Variants in DDX19B observed in about 807,000 individuals in gnomAD.
DDX19B encodes the protein DEAD-box helicase 19B, also known as ATP-dependent RNA helicase DDX19B.
A neutral mutation model predicts 58.1 loss-of-function variants in DDX19B; 27 were observed. The observed-to-expected ratio is 0.46, with a 90% confidence interval of 0.34 to 0.64. DDX19B has a LOEUF of 0.64. DDX19B is among the 30% of genes least tolerant of loss of function. The pLI is 0.01. For missense variants in DDX19B, 399 were observed against 596.5 expected (o/e 0.67, Z 3.45); for synonymous variants, 187 against 214.4 (o/e 0.87, Z 1.12).
At chr16:70,306,227 C>T (rs1392182182) in intron 1 of DDX19B, among the ~76,000 whole-genome samples, 1 of 152,162 alleles carries the variant, frequency 6.6e-6, no homozygotes, top group African/African-American at 2.4e-5. Context: ...ACATGGCTCA[C>T]TGCACCCTTG....
chr16:70,314,876 A>G lies in DDX19B; in HGVS notation c.107-26A>G, dbSNP rs186793023. 59 of 1,606,938 alleles carry G rather than the reference A, an allele frequency of 3.7e-5. No individual in the cohort carries two copies. The Admixed American group carries it at 9.7e-4, about 26-fold the overall frequency. On this transcript the variant is annotated intron_variant, in intron 2 of 11. Transcript: ENST00000288071. ...TGTTGGGTATGGGATGCGATTTTGAATGATGGCCACTTTGTGTCTATAAAG... is the reference window on the plus strand; with the variant it reads ...TGTTGGGTATGGGATGCGATTTTGAGTGATGGCCACTTTGTGTCTATAAAG...
At chr16:70,313,045 G>C (rs1278304984) in intron 2 of DDX19B, among the ~76,000 whole-genome samples, 1 of 151,894 alleles carries the variant, frequency 6.6e-6, no homozygotes, top group African/African-American at 2.4e-5. Context: ...TTGAGACAGA[G>C]TCTCGCTCTG....
At chr16:70,325,205 G>C (rs1319518210) in intron 6 of DDX19B, among the ~76,000 whole-genome samples, 5 of 152,136 alleles carry the variant, frequency 3.3e-5, no homozygotes, top group African/African-American at 1.2e-4. Flanking sequence ...CTTCTTACAG[G>C]CTTGGCTCCT....
chr16:70,294,914 C>A, upstream of DDX19B: 2 of 1,523,142 alleles, frequency 1.3e-6, no homozygotes, highest in South Asian at 1.2e-5. Context: ...TGCCTGTGGG[C>A]GACGTGAGTA....
chr16:70,317,071 G>A (rs1280276573), intron 4 of DDX19B, among the ~76,000 whole-genome samples: 1 of 152,034 alleles, frequency 6.6e-6, no homozygotes. Flanking sequence ...AGCAGGGCAT[G>A]TTGGCGGGTG....
chr16:70,331,987 G>A, intron 10 of DDX19B, 103 bp downstream of exon 10: 1 of 1,490,500 alleles, frequency 6.7e-7, no homozygotes, highest in Non-Finnish European at 9.0e-7. Context: ...GTCTCAGGGA[G>A]ATGGGTGGGG....
chr16:70,310,855 C>T (rs1354500949), intron 1 of DDX19B, among the ~76,000 whole-genome samples: 2 of 150,820 alleles, frequency 1.3e-5, no homozygotes, highest in Non-Finnish European at 2.9e-5. Context: ...ATGATGAAAC[C>T]CTGCCTCTAC....
intron 6 of DDX19B, among the ~76,000 whole-genome samples, chr16:70,325,247 C>T (rs555637154): frequency 6.6e-6 from 1 of 152,310 alleles, no homozygotes; most frequent in South Asian, 2.1e-4. Context: ...TCATCAGCAA[C>T]TGCCATCCAT....
At chr16:70,295,216 C>T (rs1961176430), upstream of DDX19B, 1 of 506,866 alleles carries the variant, frequency 2.0e-6, no homozygotes, top group Non-Finnish European at 2.9e-6. Context: ...CCTTCTTAGC[C>T]GGAGTCTCAC....
In DDX19B at chr16:70,299,293, G is replaced by A. The variant is rs911219974; in HGVS notation, c.-5G>A. On this transcript the variant is annotated 5_prime_UTR_variant, in exon 1 of 12. Coordinates refer to ENST00000288071, the MANE Select transcript of DDX19B (RefSeq NM_007242.7). ...AGCACGAGCGTCCCACCCGCGCCTG[G>A]GACCATGGCCACTGACTCATGGGCC... 32 of 1,589,658 alleles carry A rather than the reference G, an allele frequency of 2.0e-5. No individual in the cohort carries two copies. Among genetic ancestry groups the A allele is most frequent in the Non-Finnish European group, 2.6e-5 (30 of 1,170,554 alleles).
At chr16:70,293,150 C>T (rs1157303508), upstream of DDX19B, among the ~76,000 whole-genome samples, 1 of 151,712 alleles carries the variant, frequency 6.6e-6, no homozygotes, top group Non-Finnish European at 1.5e-5. Flanking sequence ...GGCGTGATGG[C>T]GTATACCTTT....
chr16:70,312,262 C>A (rs776663709), intron 1 of DDX19B, among the ~76,000 whole-genome samples: 8 of 152,148 alleles, frequency 5.3e-5, no homozygotes, highest in Admixed American at 1.3e-4. Context: ...CGATTCCCCC[C>A]CACACACAAA....
intron 1 of DDX19B, among the ~76,000 whole-genome samples, chr16:70,309,481 C>T (rs934851393): frequency 3.3e-5 from 5 of 151,430 alleles, no homozygotes; most frequent in African/African-American, 1.2e-4. Flanking sequence ...GGCGACAGAG[C>T]GAGACTCCAT....
intron 3 of DDX19B, among the ~76,000 whole-genome samples, chr16:70,315,259 C>T (rs950410656): frequency 4.0e-5 from 6 of 150,414 alleles, no homozygotes; most frequent in South Asian, 2.1e-4. Context: ...TGGTGGCAGA[C>T]GCCTGTAGTC....
chr16:70,290,419 C>G (rs1230159921), upstream of DDX19B, among the ~76,000 whole-genome samples: 1 of 151,848 alleles, frequency 6.6e-6, no homozygotes, highest in Non-Finnish European at 1.5e-5. Context: ...CCCAGCCACT[C>G]GGGAGGCTGA....
chr16:70,308,827 A>T (rs1290336047), intron 1 of DDX19B, among the ~76,000 whole-genome samples: 24 of 146,512 alleles, frequency 1.6e-4, no homozygotes, highest in African/African-American at 5.5e-4. Flanking sequence ...TTTTTTTTTT[A>T]AAGTTCTAGG....
At chr16:70,313,330 TTA>T (rs1962184658) in intron 2 of DDX19B, among the ~76,000 whole-genome samples, 1 of 151,918 alleles carries the variant, frequency 6.6e-6, no homozygotes, top group African/African-American at 2.4e-5. Context: ...TTTTGTTTTT[TTA>T]TAGAGATGAG....
intron 1 of DDX19B, among the ~76,000 whole-genome samples, chr16:70,305,062 G>T (rs1961686795): frequency 6.6e-6 from 1 of 152,050 alleles, no homozygotes; most frequent in Non-Finnish European, 1.5e-5. Context: ...TCCTTGCTTG[G>T]CCACTCATAT....
chr16:70,294,801 C>G (rs987550031), upstream of DDX19B: 67 of 1,426,506 alleles, frequency 4.7e-5, no homozygotes, highest in Non-Finnish European at 5.8e-5. Context: ...TTGGCCAGTG[C>G]CAAGAGCAGC....
Sources: allele counts gnomAD v4.1 joint callset (sites outside exome capture counted in the v4.1 genomes callset), GRCh38; gene constraint gnomAD v4.1.1; transcripts MANE v1.5; gene names NCBI Gene and HGNC (gene_info 2026-07-23, HGNC 2026-07-21).